PLEKHA4: variants seen among roughly 807,000 people sequenced by gnomAD.
PLEKHA4 encodes the protein pleckstrin homology domain containing A4.
Under a neutral mutation model 94.7 loss-of-function variants are expected in PLEKHA4, and 73 were observed. The observed-to-expected ratio is 0.77, with a 90% CI of 0.64 to 0.94. PLEKHA4 has a LOEUF of 0.94. PLEKHA4 is among the 40% of genes least tolerant of loss of function. The pLI is 0.00. For missense variants in PLEKHA4, 1,049 were observed against 1,054.1 expected (o/e 1.00, Z 0.07); for synonymous variants, 449 against 437.1 (o/e 1.03, Z -0.34).
At chr19:48,863,221 A>G (rs1568554989) in intron 3 of PLEKHA4, among the ~76,000 whole-genome samples, 1 of 152,182 alleles carries the variant, frequency 6.6e-6, no homozygotes, top group Non-Finnish European at 1.5e-5. Context: ...TTCAGTCTCA[A>G]ATTCCTTACC....
At chr19:48,859,897 A>G (rs981487213) in intron 6 of PLEKHA4, 5 of 601,782 alleles carry the variant, frequency 8.3e-6, no homozygotes, top group Admixed American at 3.1e-5. Flanking sequence ...GCTGGACCCA[A>G]TGCCCCGGAA....
At position 48,859,119 on chromosome 19, in the gene PLEKHA4, CG is replaced by C; in HGVS notation, c.712del (p.Arg238AlafsTer6). 1 of 1,448,844 alleles carries C rather than the reference CG, an allele frequency of 6.9e-7. No homozygotes were observed. The highest frequency in any genetic ancestry group is 9.0e-7 in the Non-Finnish European group (1 of 1,110,538). 89.7% of individuals were successfully genotyped at this position (1,448,844 alleles called of 1,614,324 possible). A position where few individuals can be genotyped will look rare whatever the true frequency, so the allele number is the denominator to read the frequency against. ...RSPDLFTPLS[R>X]PPSPLSLPRP... is the part of the protein sequence containing the mutation. ...GGGGAGGCTCAGAGGCGAGGGAGGG[CG>C]AGAGAGGGGGGTGAACAGGCTGTGG... On this transcript the variant is annotated frameshift_variant, in exon 8 of 20. Transcript: ENST00000263265. LOFTEE classifies it high-confidence loss of function.
chr19:48,862,884 C>A (rs1003633590), intron 3 of PLEKHA4, among the ~76,000 whole-genome samples: 1 of 152,194 alleles, frequency 6.6e-6, no homozygotes, highest in Non-Finnish European at 1.5e-5. Flanking sequence ...CTCGTCTATC[C>A]GCTGGAGATT....
chr19:48,847,950 G>T lies in PLEKHA4; in HGVS notation c.1516C>A (p.Pro506Thr). Residue 506 changes from proline (P) to threonine (T), a missense_variant, in exon 14 of 20, where the codon CCT becomes ACT. By Grantham distance (38) the Pro-to-Thr change is conservative (BLOSUM62 -1). Transcript: ENST00000263265. ...TGGAGCACGGGAGATGGGGAGTCAG[G>T]CTCAGTGTGTGGGGGCGGTTTCTGG... ...GPQKPPPHTE[P>T]DSPSPVLQGE... 1 of 1,610,308 alleles carries T rather than the reference G, an allele frequency of 6.2e-7. No homozygotes were observed. Among genetic ancestry groups the T allele is most frequent in the East Asian group, 2.2e-5 (1 of 44,752 alleles).
At chr19:48,850,838 A>T (rs2123014767) in intron 13 of PLEKHA4, among the ~76,000 whole-genome samples, 1 of 151,630 alleles carries the variant, frequency 6.6e-6, no homozygotes, top group East Asian at 1.9e-4. Flanking sequence ...TAAAATAAAT[A>T]AAATAAAAAT....
rs552645592 is a variant in PLEKHA4, at chr19:48,862,205, T to TC, written c.193-514_193-513insG. 1.1e-3 allele frequency among the ~76,000 whole-genome samples: 68 copies of TC among 61,154 alleles called. No individual in the cohort carries two copies. In the South Asian group the frequency reaches 0.021, roughly 19 times the overall value. The allele number at this position is 61,154 out of a possible 152,430, so 40.1% of individuals were successfully genotyped here. A position where few individuals can be genotyped will look rare whatever the true frequency, so the allele number is the denominator to read the frequency against. On this transcript the variant is annotated intron_variant, in intron 3 of 19. Transcript: ENST00000263265. ...CCCTACTTCTTTTCTTTTCTCTCTC[T>TC]TTTTTTTTTTTTTTTGACAGAGTCT...
In PLEKHA4 at chr19:48,847,995, G is replaced by A; in HGVS notation, c.1471C>T (p.Leu491=). ...TTCTGGGGGCCACCCAGACCTGCCA[G>A]CGTGTCTTCCACCATCCACAGCTGC... ...QQQLWMVEDT[L]AGLGGPQKPP... The change falls in exon 14 of 20, where the codon CTG becomes TTG. Residue 491 remains leucine (L), a synonymous_variant. Transcript: ENST00000263265. The A allele has an allele frequency of 6.2e-7, 1 of 1,613,666 alleles. No homozygotes were observed. The highest frequency in any genetic ancestry group is 8.5e-7 in the Non-Finnish European group (1 of 1,179,890).
Position 48,868,453 on chromosome 19 carries a change from TC to T in PLEKHA4, c.-378del, listed in dbSNP as rs2036906794. ...CCTTAAGTCTCTGTCTCATTCTCTC[TC>T]TCTCTCTCTCTCTGTCTCTCAGTCA... On this transcript the variant is annotated 5_prime_UTR_variant, in exon 1 of 20. The change abolishes the stop of an existing upstream ORF in the 5' untranslated region. Transcript: ENST00000263265. 1 of 89,112 alleles carries T rather than the reference TC, an allele frequency of 1.1e-5. No individual in the cohort carries two copies. The highest frequency in any genetic ancestry group is 1.1e-4 in the Admixed American group (1 of 9,194). 5.5% of individuals were successfully genotyped at this position (89,112 alleles called of 1,614,324 possible). A position where few individuals can be genotyped will look rare whatever the true frequency, so the allele number is the denominator to read the frequency against.
At chr19:48,860,298 C>A in intron 6 of PLEKHA4, 52 bp downstream of exon 6, 1 of 1,490,752 alleles carries the variant, frequency 6.7e-7, no homozygotes, top group Non-Finnish European at 9.3e-7. Flanking sequence ...GTTGGGATGA[C>A]GAGACTGACT....
chr19:48,839,356 A>T, intron 17 of PLEKHA4, 93 bp from the exon 18 acceptor site: 1 of 788,652 alleles, frequency 1.3e-6, no homozygotes, highest in Non-Finnish European at 1.9e-6. Context: ...AAGAGAATGA[A>T]ATTGCCCAAA....
At chr19:48,847,085 T>C (rs2035995735) in intron 14 of PLEKHA4, among the ~76,000 whole-genome samples, 1 of 152,146 alleles carries the variant, frequency 6.6e-6, no homozygotes, top group South Asian at 2.1e-4. Context: ...ATTGAGTCCA[T>C]ATATATGTGG....
chr19:48,861,311 G>C, intron 5 of PLEKHA4, 90 bp downstream of exon 5: 1 of 1,070,008 alleles, frequency 9.3e-7, no homozygotes, highest in Non-Finnish European at 1.5e-6. Context: ...TCCAGTGCTT[G>C]TTAGGACTTG....
chr19:48,856,949 G>GAGAA (rs111377309), intron 9 of PLEKHA4, among the ~76,000 whole-genome samples: 13,029 of 140,220 alleles, frequency 0.093, 872 homozygotes, highest in Non-Finnish European at 0.14. Flanking sequence ...GAAAAAGAAA[G>GAGAA]AGAAAGAAAG....
At chr19:48,856,492 G>A (rs2036415102) in intron 9 of PLEKHA4, among the ~76,000 whole-genome samples, 2 of 152,102 alleles carry the variant, frequency 1.3e-5, no homozygotes, top group Admixed American at 1.3e-4. Context: ...GGCCGAGGCG[G>A]GAGGATCACG....
rs768802952 is a variant in PLEKHA4, at chr19:48,858,982, A to G, written c.850T>C (p.Trp284Arg). Residue 284 changes from tryptophan to arginine, a missense_variant, in exon 8 of 20, where the codon TGG becomes CGG. Coordinates refer to ENST00000263265, the MANE Select transcript of PLEKHA4 (RefSeq NM_020904.3). ...SRIDVRPPLD[W>R]GPQRQTLSRP... ...GAGAGGGTCTGGCGTTGGGGGCCCCAATCCAGAGGAGGTCGGACATCAATG... is the reference window on the plus strand; with the variant it reads ...GAGAGGGTCTGGCGTTGGGGGCCCCGATCCAGAGGAGGTCGGACATCAATG... 5.1e-6 allele frequency: 8 copies of G among 1,582,064 alleles called. No homozygotes were observed. In the South Asian group the frequency reaches 9.2e-5, roughly 18 times the overall value.
Position 48,848,252 on chromosome 19 carries a change from C to T in PLEKHA4, c.1426-212G>A, listed in dbSNP as rs185127912. ...CTGTAATCCCAGCACTTTGGGAGGC[C>T]GAGGCGGGCGGATCACGAGGTCAGG... On this transcript the variant is annotated intron_variant, in intron 13 of 19. Coordinates refer to ENST00000263265, the MANE Select transcript of PLEKHA4 (RefSeq NM_020904.3). Among the ~76,000 whole-genome samples, 483 of 151,892 alleles carry T rather than the reference C, an allele frequency of 3.2e-3. 2 individuals carry two copies. The highest frequency in any genetic ancestry group is 0.011 in the African/African-American group (460 of 41,416).
intron 18 of PLEKHA4, 141 bp from the exon 19 acceptor site, chr19:48,838,270 A>G (rs1482906259): frequency 1.9e-6 from 1 of 517,354 alleles, no homozygotes; most frequent in African/African-American, 1.9e-5. Flanking sequence ...ATAATAATTT[A>G]ATTGTACATT....
intron 6 of PLEKHA4, 48 bp downstream of exon 6, chr19:48,860,302 A>G (rs748868912): frequency 6.6e-7 from 1 of 1,506,160 alleles, no homozygotes; most frequent in Middle Eastern, 1.7e-4. Flanking sequence ...GGATGACGAG[A>G]CTGACTCAGG....
rs377338823 is a variant in PLEKHA4 at position 48,845,433 on chromosome 19, C to T, written c.1680G>A (p.Pro560=). The change falls in exon 16 of 20, where the codon CCG becomes CCA. Residue 560 remains proline (P), a synonymous_variant. Transcript: ENST00000263265. The part of the protein sequence containing the change: ...LASPHLGLGS[P]RVSRASSPEG... ...CAGGGCTGGAAGCCCGGGAGACCCT[C>T]GGAGACCCAAGACCTGGAAAGACAG... 4.5e-5 allele frequency: 73 copies of T among 1,613,820 alleles called. 1 individual carries two copies. Among genetic ancestry groups the T allele is most frequent in the Admixed American group, 8.3e-5 (5 of 59,996 alleles).
Sources: gnomAD v4.1 joint callset for allele counts (sites outside exome capture counted in the v4.1 genomes callset) on GRCh38, gnomAD v4.1.1 for gene constraint, MANE v1.5 for transcripts, NCBI Gene and HGNC (gene_info 2026-07-23, HGNC 2026-07-21) for gene names.